PKIB: variants seen among roughly 807,000 people sequenced by gnomAD.
PKIB encodes cAMP-dependent protein kinase inhibitor beta.
Under a neutral mutation model 4.5 loss-of-function variants are expected in PKIB, and 2 were observed. The ratio of observed to expected loss-of-function variants is 0.44; its 90% confidence interval spans 0.18 to 1.39. The LOEUF is 1.39. Ranked by LOEUF, PKIB falls within the 40% of genes most tolerant of loss-of-function variation. The pLI is 0.27. For missense variants in PKIB, 94 were observed against 92.6 expected (o/e 1.02, Z -0.06); for synonymous variants, 38 against 36.0 (o/e 1.06, Z -0.20).
intron 2 of PKIB, among the ~76,000 whole-genome samples, chr6:122,636,744 C>A (rs969962260): frequency 1.3e-5 from 2 of 152,026 alleles, no homozygotes; most frequent in African/African-American, 4.8e-5. Flanking sequence ...TATGGACAGT[C>A]TGGAAAAGGC....
At chr6:122,622,102 C>G (rs536386151) in intron 1 of PKIB, among the ~76,000 whole-genome samples, 2 of 151,760 alleles carry the variant, frequency 1.3e-5, no homozygotes, top group South Asian at 2.1e-4. Context: ...AATTGAAGGC[C>G]CTTCCTAGAA....
At chr6:122,648,558 T>C (rs373052222) in intron 2 of PKIB, among the ~76,000 whole-genome samples, 172 of 152,314 alleles carry the variant, frequency 1.1e-3, no homozygotes, top group African/African-American at 3.7e-3. Flanking sequence ...AATTAGAGTT[T>C]CTTTGCTTCA....
At chr6:122,515,672 CTTGT>C (rs912271912) in intron 2 of PKIB, among the ~76,000 whole-genome samples, 4 of 152,162 alleles carry the variant, frequency 2.6e-5, no homozygotes, top group African/African-American at 9.7e-5. Flanking sequence ...CACTTGAGAT[CTTGT>C]TTATTAATTA....
intron 3 of PKIB, among the ~76,000 whole-genome samples, chr6:122,591,939 A>G (rs1774032135): frequency 1.3e-5 from 2 of 151,146 alleles, no homozygotes; most frequent in South Asian, 4.2e-4. Context: ...AACAAAGTGA[A>G]CTATTTGGTT....
intron 3 of PKIB, among the ~76,000 whole-genome samples, chr6:122,686,204 T>C (rs1778085737): frequency 6.6e-6 from 1 of 152,182 alleles, no homozygotes; most frequent in Non-Finnish European, 1.5e-5. Flanking sequence ...GGTAGCTCTG[T>C]TTTAATTTTT....
intron 2 of PKIB, among the ~76,000 whole-genome samples, chr6:122,540,049 C>A (rs373175647): frequency 1.3e-5 from 2 of 151,520 alleles, no homozygotes; most frequent in East Asian, 3.9e-4. Context: ...TTTTTTATTG[C>A]GTCTATTTGA....
chr6:122,563,023 G>T (rs772647026), intron 2 of PKIB, among the ~76,000 whole-genome samples: 2 of 152,014 alleles, frequency 1.3e-5, no homozygotes, highest in African/African-American at 4.8e-5. Context: ...GATTTTTCAC[G>T]GGTGTTGAAG....
At chr6:122,517,738 C>T (rs994583052) in intron 2 of PKIB, among the ~76,000 whole-genome samples, 1 of 152,170 alleles carries the variant, frequency 6.6e-6, no homozygotes. Flanking sequence ...TTATGGCATT[C>T]TGTTTTTAGT....
intron 3 of PKIB, among the ~76,000 whole-genome samples, chr6:122,681,071 T>C (rs942086808): frequency 8.5e-5 from 13 of 152,204 alleles, no homozygotes; most frequent in African/African-American, 3.1e-4. Context: ...CCTACCTCAA[T>C]ACCAGTTAAC....
intron 2 of PKIB, among the ~76,000 whole-genome samples, chr6:122,534,464 C>G (rs1283980214): frequency 6.6e-6 from 1 of 151,776 alleles, no homozygotes; most frequent in African/African-American, 2.4e-5. Context: ...GAGTATCCAG[C>G]GTAAAAAGAT....
rs577111316 is a variant in PKIB at position 122,509,147 on chromosome 6, G to A, written c.-248+31208G>A. ...TTTATCACATGGTCCCATATATGTCGCTTTTTCAGTACTAGAGCCATTAGT... is the reference window on the plus strand; with the variant it reads ...TTTATCACATGGTCCCATATATGTCACTTTTTCAGTACTAGAGCCATTAGT... On this transcript the variant is annotated intron_variant, in intron 2 of 6. Coordinates refer to the PKIB transcript ENST00000392491. Among the ~76,000 whole-genome samples the A allele has an allele frequency of 8.5e-5, 13 of 152,066 alleles. 2 individuals carry two copies. Among genetic ancestry groups the A allele is most frequent in the South Asian group, 4.1e-4 (2 of 4,826 alleles).
chr6:122,587,240 T>C (rs1335142762), intron 3 of PKIB, among the ~76,000 whole-genome samples: 1 of 152,106 alleles, frequency 6.6e-6, no homozygotes, highest in Non-Finnish European at 1.5e-5. Context: ...TGTGTTCTCA[T>C]TGTTCAATTC....
chr6:122,696,783 A>G (rs1454852197), intron 3 of PKIB, among the ~76,000 whole-genome samples: 3 of 152,212 alleles, frequency 2.0e-5, no homozygotes, highest in Non-Finnish European at 4.4e-5. Flanking sequence ...CCCTGTGCAC[A>G]CTGATGTAAC....
At chr6:122,573,080 C>T (rs539883321) in intron 2 of PKIB, among the ~76,000 whole-genome samples, 5 of 151,984 alleles carry the variant, frequency 3.3e-5, no homozygotes, top group East Asian at 1.9e-4. Flanking sequence ...TGAAACTATT[C>T]GAAAAGATAA....
At chr6:122,581,520 G>A (rs1392181035) in intron 2 of PKIB, among the ~76,000 whole-genome samples, 1 of 152,094 alleles carries the variant, frequency 6.6e-6, no homozygotes, top group Non-Finnish European at 1.5e-5. Flanking sequence ...ATGAAAAATA[G>A]CAAGACTAGG....
chr6:122,526,050 C>T (rs367918787), intron 2 of PKIB, among the ~76,000 whole-genome samples: 20 of 152,148 alleles, frequency 1.3e-4, no homozygotes, highest in African/African-American at 4.8e-4. Flanking sequence ...GGAATAGACT[C>T]CATCTCAGGG....
intron 3 of PKIB, among the ~76,000 whole-genome samples, chr6:122,597,674 T>C (rs1774221390): frequency 6.6e-6 from 1 of 152,188 alleles, no homozygotes; most frequent in Non-Finnish European, 1.5e-5. Context: ...ATATTGCTTT[T>C]GATTTACTAT....
intron 3 of PKIB, among the ~76,000 whole-genome samples, chr6:122,716,460 A>C (rs1779500268): frequency 6.6e-6 from 1 of 152,184 alleles, no homozygotes; most frequent in Admixed American, 6.5e-5. Flanking sequence ...TGGATTCCAA[A>C]ATTGTATCTC....
intron 2 of PKIB, among the ~76,000 whole-genome samples, chr6:122,576,689 A>AAAATAT (rs1345822382): frequency 0.26 from 8,785 of 34,186 alleles, 1,870 homozygotes; most frequent in Admixed American, 0.34. Context: ...AAAAAAAAAA[A>AAAATAT]ATATATATAT....
Sources: gnomAD v4.1 joint callset for allele counts (sites outside exome capture counted in the v4.1 genomes callset) on GRCh38, gnomAD v4.1.1 for gene constraint, MANE v1.5 for transcripts, NCBI Gene and HGNC (gene_info 2026-07-23, HGNC 2026-07-21) for gene names.